Variants in CEP85L observed in about 807,000 individuals in gnomAD.
The protein encoded by CEP85L is centrosomal protein 85L, also known as centrosomal protein of 85 kDa-like.
Under a neutral mutation model 100.3 loss-of-function variants are expected in CEP85L, and 60 were observed. That is an observed-to-expected ratio of 0.60 (90% CI 0.49 to 0.74). The LOEUF (loss-of-function observed/expected upper bound fraction) is 0.74, where lower values mean the gene tolerates loss of function less well. CEP85L is among the 30% of genes least tolerant of loss of function. CEP85L has a pLI of 0.00. For synonymous variants in CEP85L, 319 were observed against 322.7 expected (o/e 0.99, Z 0.12); for missense variants, 973 against 936.2 (o/e 1.04, Z -0.51).
chr6:118,580,960 G>C (rs1245499210), intron 2 of CEP85L, among the ~76,000 whole-genome samples: 1 of 152,104 alleles, frequency 6.6e-6, no homozygotes, highest in Non-Finnish European at 1.5e-5. Flanking sequence ...GGCATTTCCA[G>C]GTCTCTCTAC....
intron 3 of CEP85L, among the ~76,000 whole-genome samples, chr6:118,563,996 G>C (rs1038423403): frequency 6.6e-6 from 1 of 152,088 alleles, no homozygotes; most frequent in Admixed American, 6.6e-5. Context: ...CCCAAATAAA[G>C]TTAATCAAGA....
chr6:118,499,532 C>T (rs1159632754), intron 5 of CEP85L, among the ~76,000 whole-genome samples: 1 of 152,076 alleles, frequency 6.6e-6, no homozygotes, highest in Non-Finnish European at 1.5e-5. Flanking sequence ...GGCATGGTGG[C>T]AGCCACCTGT....
intron 4 of CEP85L, among the ~76,000 whole-genome samples, chr6:118,516,631 A>G (rs1776296379): frequency 6.6e-6 from 1 of 152,162 alleles, no homozygotes; most frequent in South Asian, 2.1e-4. Flanking sequence ...AAGTTATTGT[A>G]GATTCTGGAT....
rs761163642 is a variant in CEP85L, at chr6:118,479,870, C to T, written c.1914+1G>A. On this transcript the variant is annotated splice_donor_variant, in intron 10 of 12. Transcript: ENST00000368491. LOFTEE classifies it high-confidence loss of function. Reference sequence around the variant, plus strand: ...TAAAATAAGCACAAAATATTCCTTACCTGAATTTCTAAAATCATTCTGTCA... The same window carrying T: ...TAAAATAAGCACAAAATATTCCTTATCTGAATTTCTAAAATCATTCTGTCA... 4 of 1,476,616 alleles carry T rather than the reference C, an allele frequency of 2.7e-6. No individual in the cohort carries two copies. The highest frequency in any genetic ancestry group is 2.0e-5 in the Admixed American group (1 of 50,954). The allele number at this position is 1,476,616 out of a possible 1,614,324, so 91.5% of individuals were successfully genotyped here. A position where few individuals can be genotyped will look rare whatever the true frequency, so the allele number is the denominator to read the frequency against.
At chr6:118,506,112 T>C (rs1225616170) in intron 5 of CEP85L, among the ~76,000 whole-genome samples, 2 of 152,182 alleles carry the variant, frequency 1.3e-5, no homozygotes, top group African/African-American at 2.4e-5. Flanking sequence ...TAATGCAATA[T>C]AGACATTCCT....
chr6:118,545,315 C>T (rs892632302), intron 3 of CEP85L, among the ~76,000 whole-genome samples: 2 of 152,114 alleles, frequency 1.3e-5, no homozygotes, highest in Admixed American at 6.5e-5. Context: ...TATAGCTGGG[C>T]GCGGTGGCTC....
intron 5 of CEP85L, chr6:118,501,789 G>A (rs1775319341): frequency 1.9e-6 from 2 of 1,057,822 alleles, no homozygotes; most frequent in African/African-American, 3.3e-5. Context: ...CACAGAGTGG[G>A]GAGGATGGAG....
At chr6:118,538,242 GTT>G (rs1317663499) in intron 3 of CEP85L, among the ~76,000 whole-genome samples, 2 of 151,852 alleles carry the variant, frequency 1.3e-5, no homozygotes, top group African/African-American at 2.4e-5. Flanking sequence ...AGAAGAAACT[GTT>G]TTTAATAATC....
At chr6:118,613,175 T>C (rs1206811705) in intron 2 of CEP85L, among the ~76,000 whole-genome samples, 2 of 151,414 alleles carry the variant, frequency 1.3e-5, no homozygotes, top group African/African-American at 2.4e-5. Context: ...CGCGCCACTG[T>C]ACTCCAGCCT....
Position 118,472,457 on chromosome 6 carries a change from T to G in CEP85L, c.1915-1813A>C, listed in dbSNP as rs546737124. 3.3e-5 allele frequency among the ~76,000 whole-genome samples: 5 copies of G among 152,298 alleles called. No individual in the cohort carries two copies. In the East Asian group the frequency reaches 9.6e-4, roughly 29 times the overall value. On this transcript the variant is annotated intron_variant, in intron 10 of 12. Transcript: ENST00000368491. ...TGCTGTACAAATTGGTCTAGGATAA[T>G]ACTAGGTATGAGTGCTATAGTTGTC... is the stretch of plus-strand genomic sequence containing the variant.
chr6:118,660,609 T>G (rs1484139809), intron 1 of CEP85L, among the ~76,000 whole-genome samples: 1 of 152,268 alleles, frequency 6.6e-6, no homozygotes, highest in Admixed American at 6.5e-5. Context: ...AGGATCTATA[T>G]TGAATGTCTT....
chr6:118,604,480 C>T (rs1036763400), intron 2 of CEP85L, among the ~76,000 whole-genome samples: 5 of 152,206 alleles, frequency 3.3e-5, no homozygotes, highest in African/African-American at 9.7e-5. Flanking sequence ...TCCACATTCC[C>T]GTGCCTTCTT....
chr6:118,618,358 TGGAATTTA>T (rs1332803907), intron 2 of CEP85L, among the ~76,000 whole-genome samples: 2 of 152,228 alleles, frequency 1.3e-5, no homozygotes, highest in Non-Finnish European at 2.9e-5. Context: ...TGGTGCCCTC[TGGAATTTA>T]GGCAGGTGTT....
intron 2 of CEP85L, among the ~76,000 whole-genome samples, chr6:118,622,141 G>A (rs1773487702): frequency 6.6e-6 from 1 of 152,206 alleles, no homozygotes. Flanking sequence ...GTTTATGGGT[G>A]GTTGCAGCAG....
intron 2 of CEP85L, among the ~76,000 whole-genome samples, chr6:118,593,316 G>A (rs1246692193): frequency 2.0e-5 from 3 of 151,314 alleles, no homozygotes; most frequent in Non-Finnish European, 4.4e-5. Context: ...CGGGTGTATG[G>A]TATAAGTCCA....
Position 118,607,796 on chromosome 6 carries a change from C to T in CEP85L, c.232+24657G>A, listed in dbSNP as rs566790875. Among the ~76,000 whole-genome samples the T allele has an allele frequency of 3.3e-5, 5 of 152,224 alleles. No individual in the cohort carries two copies. The East Asian group carries it at 9.7e-4, about 29-fold the overall frequency. On this transcript the variant is annotated intron_variant, in intron 2 of 12. Coordinates refer to ENST00000368491, the MANE Select transcript of CEP85L (RefSeq NM_001042475.3). ...TCTATTTCCTTTGGGTCGGGGGTCT[C>T]AATATTGTCCCTTTTGTGGTTCATG...
At chr6:118,707,175 A>T (rs1583277556) in intron 1 of CEP85L, among the ~76,000 whole-genome samples, 1 of 138,698 alleles carries the variant, frequency 7.2e-6, no homozygotes, top group South Asian at 2.3e-4. Context: ...TCCTTCTCAT[A>T]TTCCTCCTCA....
intron 1 of CEP85L, among the ~76,000 whole-genome samples, chr6:118,674,603 C>T (rs1489276271): frequency 6.6e-6 from 1 of 151,516 alleles, no homozygotes; most frequent in Non-Finnish European, 1.5e-5. Flanking sequence ...GATTTGTATC[C>T]AGGACTTTTA....
chr6:118,560,658 G>A (rs9489441), intron 3 of CEP85L: 1 of 166,796 alleles, frequency 6.0e-6, no homozygotes, highest in South Asian at 2.1e-4. Context: ...CATCTATTTT[G>A]CAGTCCACTC....
Sources: allele counts gnomAD v4.1 joint callset (sites outside exome capture counted in the v4.1 genomes callset), GRCh38; gene constraint gnomAD v4.1.1; transcripts MANE v1.5; gene names NCBI Gene and HGNC (gene_info 2026-07-23, HGNC 2026-07-21).